The following NIPAL2 variants were observed in gnomAD, a reference collection of about 807,000 sequenced individuals.
NIPAL2 encodes NIPA-like protein 2.
In NIPAL2, 43 loss-of-function variants were observed where a neutral mutation model predicts 48.9. The observed-to-expected ratio is 0.88, with a 90% CI of 0.69 to 1.13. The LOEUF (loss-of-function observed/expected upper bound fraction) is 1.13, where lower values mean the gene tolerates loss of function less well. Among genes scored for constraint, NIPAL2 ranks in the 50% most tolerant of loss-of-function variants. The pLI is 0.00. For synonymous variants in NIPAL2, 167 were observed against 174.6 expected (o/e 0.96, Z 0.34); for missense variants, 446 against 461.4 (o/e 0.97, Z 0.31).
intron 1 of NIPAL2, among the ~76,000 whole-genome samples, chr8:98,271,141 C>T (rs951487250): frequency 3.3e-5 from 5 of 152,030 alleles, no homozygotes; most frequent in African/African-American, 1.2e-4. Context: ...ATGCTTCTGG[C>T]TTTGTTCTTT....
intron 3 of NIPAL2, 32 bp from the exon 4 acceptor site, chr8:98,236,246 C>A: frequency 1.3e-6 from 2 of 1,492,560 alleles, no homozygotes; most frequent in Admixed American, 1.9e-5. Context: ...GTGGTAGTTC[C>A]AATATAAAAG....
At chr8:98,267,458 G>GACT (rs1394363879) in intron 1 of NIPAL2, among the ~76,000 whole-genome samples, 2 of 151,816 alleles carry the variant, frequency 1.3e-5, no homozygotes, top group African/African-American at 4.8e-5. Flanking sequence ...AAGTAGCTGG[G>GACT]ACTACAGGTG....
chr8:98,213,000 T>A (rs906462709), intron 5 of NIPAL2, among the ~76,000 whole-genome samples: 4 of 152,168 alleles, frequency 2.6e-5, no homozygotes, highest in African/African-American at 7.2e-5. Context: ...CTCTCTATAA[T>A]CCAGCCATTC....
chr8:98,260,080 G>A (rs1044065820), intron 1 of NIPAL2, among the ~76,000 whole-genome samples: 3 of 152,146 alleles, frequency 2.0e-5, no homozygotes. Flanking sequence ...GAAGAAGGGG[G>A]TACAAAAAAA....
At chr8:98,252,870 C>T (rs1434330823) in intron 2 of NIPAL2, among the ~76,000 whole-genome samples, 4 of 152,020 alleles carry the variant, frequency 2.6e-5, no homozygotes, top group Admixed American at 6.6e-5. Flanking sequence ...ATTCATTTTC[C>T]GTGGTTTCAA....
chr8:98,251,574 A>C (rs1410611543), intron 3 of NIPAL2: 2 of 152,216 alleles, frequency 1.3e-5, no homozygotes, highest in Non-Finnish European at 2.9e-5. Flanking sequence ...TATTTTAAAT[A>C]AAATATTTTA....
rs183025501 is a variant in NIPAL2, at chr8:98,221,463, T to C, written c.558+1016A>G. Among the ~76,000 whole-genome samples the C allele has an allele frequency of 2.6e-5, 4 of 152,098 alleles. No homozygotes were observed. The East Asian group carries it at 7.7e-4, about 29-fold the overall frequency. ...AAAGAGAAAAATATACAAGTTTAAA[T>C]ATTTTATATTGGTTGAGAGTACTAA... On this transcript the variant is annotated intron_variant, in intron 5 of 10. Transcript: ENST00000430223.
intron 8 of NIPAL2, among the ~76,000 whole-genome samples, chr8:98,201,610 T>C (rs1409185196): frequency 6.6e-6 from 1 of 152,166 alleles, no homozygotes; most frequent in Non-Finnish European, 1.5e-5. Context: ...GCAGAAAATC[T>C]TCCGATCAGG....
At chr8:98,249,820 G>C (rs945407025) in intron 3 of NIPAL2, among the ~76,000 whole-genome samples, 1 of 148,474 alleles carries the variant, frequency 6.7e-6, no homozygotes, top group Admixed American at 6.7e-5. Flanking sequence ...TACACTCAAA[G>C]TATACAAATA....
intron 1 of NIPAL2, among the ~76,000 whole-genome samples, chr8:98,278,162 C>T (rs574326936): frequency 3.9e-5 from 6 of 152,220 alleles, no homozygotes; most frequent in African/African-American, 1.2e-4. Flanking sequence ...CTAATTGTTG[C>T]TCCTTTGTAG....
rs116299691 is a variant in NIPAL2 at position 98,205,070 on chromosome 8, G to A, written c.791+41C>T. 1,407 of 1,601,560 alleles carry A rather than the reference G, an allele frequency of 8.8e-4. 13 individuals carry two copies. The African/African-American group carries it at 0.015, about 17-fold the overall frequency. On this transcript the variant is annotated intron_variant, in intron 7 of 10. Transcript: ENST00000430223. ...AAAGATTAATGCCCAGAGAAGCACC[G>A]GAATGTTGAAAGATTAGTGAGTATG...
chr8:98,200,452 G>A (rs1810747291), intron 8 of NIPAL2, among the ~76,000 whole-genome samples: 1 of 152,132 alleles, frequency 6.6e-6, no homozygotes, highest in Admixed American at 6.5e-5. Flanking sequence ...GTTGTGGCAT[G>A]TGTTATAATT....
intron 3 of NIPAL2, among the ~76,000 whole-genome samples, chr8:98,250,405 G>A (rs1275467134): frequency 6.6e-6 from 1 of 152,132 alleles, no homozygotes; most frequent in Non-Finnish European, 1.5e-5. Context: ...TCTCAGGGTA[G>A]CAGGGGTTTG....
At chr8:98,211,733 A>AGTGTGT (rs1156409051) in intron 6 of NIPAL2, among the ~76,000 whole-genome samples, 5,743 of 109,074 alleles carry the variant, frequency 0.053, 289 homozygotes, top group African/African-American at 0.12. Flanking sequence ...AGAGAGAGAA[A>AGTGTGT]GTGTGTGTGT....
At chr8:98,245,060 A>T (rs1272122704) in intron 3 of NIPAL2, among the ~76,000 whole-genome samples, 1 of 152,248 alleles carries the variant, frequency 6.6e-6, no homozygotes, top group Non-Finnish European at 1.5e-5. Flanking sequence ...AACCCATGAC[A>T]TGAAAAGAAC....
intron 1 of NIPAL2, among the ~76,000 whole-genome samples, chr8:98,280,911 T>TA (rs908915012): frequency 1.3e-5 from 2 of 151,404 alleles, no homozygotes; most frequent in African/African-American, 4.9e-5. Context: ...TTTTCCAAGC[T>TA]AAAAAATTTT....
intron 8 of NIPAL2, among the ~76,000 whole-genome samples, chr8:98,196,634 C>T (rs895289436): frequency 2.6e-5 from 4 of 152,338 alleles, no homozygotes; most frequent in Admixed American, 2.6e-4. Flanking sequence ...TGCTTCTCTC[C>T]GTCTTGGTCT....
intron 6 of NIPAL2, among the ~76,000 whole-genome samples, chr8:98,207,535 T>C (rs911159825): frequency 3.9e-5 from 6 of 152,084 alleles, no homozygotes; most frequent in Admixed American, 2.0e-4. Context: ...ATAAACTACA[T>C]CAAGATATTG....
At chr8:98,201,562 A>G (rs1187879493) in intron 8 of NIPAL2, among the ~76,000 whole-genome samples, 1 of 151,660 alleles carries the variant, frequency 6.6e-6, no homozygotes, top group African/African-American at 2.4e-5. Context: ...TTTTCCCCCT[A>G]ATTTGTTAGA....
Sources: allele counts gnomAD v4.1 joint callset (sites outside exome capture counted in the v4.1 genomes callset), GRCh38; gene constraint gnomAD v4.1.1; transcripts MANE v1.5; gene names NCBI Gene and HGNC (gene_info 2026-07-23, HGNC 2026-07-21).